Variants in PCDHA5 observed in about 807,000 individuals in gnomAD.
The protein encoded by PCDHA5 is protocadherin alpha-5.
In PCDHA5, 43 loss-of-function variants were observed where a neutral mutation model predicts 61.6. The observed-to-expected ratio is 0.70, with a 90% CI of 0.55 to 0.90. The LOEUF (loss-of-function observed/expected upper bound fraction) is 0.90, where lower values mean the gene tolerates loss of function less well. Ranked by LOEUF, PCDHA5 falls within the 40% of genes least tolerant of loss-of-function variation. The pLI is 0.00. For synonymous variants in PCDHA5, 627 were observed against 543.9 expected, an observed-to-expected ratio of 1.15 and a Z score of -2.13; for missense variants, 1,298 against 1,222.7, an observed-to-expected ratio of 1.06 and a Z score of -0.92.
chr5:141,000,173 C>T (rs2097895007), intron 3 of PCDHA5, among the ~76,000 whole-genome samples: 1 of 151,968 alleles, frequency 6.6e-6, no homozygotes, highest in Non-Finnish European at 1.5e-5. Flanking sequence ...ATTATTGAGC[C>T]AAGGAGTCAA....
chr5:140,889,086 A>G (rs1418981044), intron 1 of PCDHA5, among the ~76,000 whole-genome samples: 1 of 151,926 alleles, frequency 6.6e-6, no homozygotes, highest in Non-Finnish European at 1.5e-5. Flanking sequence ...TTAAATTTTC[A>G]AAACAATTTT....
chr5:140,891,921 C>G (rs1405172226), intron 1 of PCDHA5, among the ~76,000 whole-genome samples: 1 of 152,234 alleles, frequency 6.6e-6, no homozygotes, highest in African/African-American at 2.4e-5. Flanking sequence ...ATGCTGGTGC[C>G]TTGATCTTGG....
rs145265581 is a variant in PCDHA5, at chr5:140,822,948, C to G, written c.1173C>G (p.His391Gln). The G allele has an allele frequency of 1.9e-5, 31 of 1,614,076 alleles. No homozygotes were observed. In the African/African-American group the frequency reaches 2.4e-4, roughly 13 times the overall value. ...AGGTGACCTGCTCCCTAATGCCCCACGTTCCCTTCAAGCTGGTGTCCACCT... is the reference window on the plus strand; with the variant it reads ...AGGTGACCTGCTCCCTAATGCCCCAGGTTCCCTTCAAGCTGGTGTCCACCT... Reference protein sequence around the residue: ...NGQVTCSLMPHVPFKLVSTFK... With the variant: ...NGQVTCSLMPQVPFKLVSTFK... The change falls in exon 1 of 4, where the codon CAC becomes CAG. Residue 391 changes from histidine (H) to glutamine (Q), a missense_variant. His to Gln is a conservative substitution (Grantham distance 24, BLOSUM62 0). Coordinates refer to ENST00000529859, the MANE Select transcript of PCDHA5 (RefSeq NM_018908.3).
At chr5:140,840,995 T>C (rs1776967728) in intron 1 of PCDHA5, among the ~76,000 whole-genome samples, 1 of 152,016 alleles carries the variant, frequency 6.6e-6, no homozygotes. Context: ...CTGAAACTAA[T>C]GTAAGGAGCC....
At chr5:140,951,597 C>T (rs1445745403) in intron 1 of PCDHA5, among the ~76,000 whole-genome samples, 1 of 152,098 alleles carries the variant, frequency 6.6e-6, no homozygotes, top group East Asian at 1.9e-4. Flanking sequence ...ATCTCTCTCA[C>T]TGTTATGAGA....
chr5:140,929,613 C>A, intron 1 of PCDHA5: 6 of 406,162 alleles, frequency 1.5e-5, no homozygotes, highest in Non-Finnish European at 2.7e-5. Flanking sequence ...AATAAAATAC[C>A]AAAATATTTT....
intron 1 of PCDHA5, among the ~76,000 whole-genome samples, chr5:140,948,964 T>C (rs2094329348): frequency 6.6e-6 from 1 of 151,790 alleles, no homozygotes; most frequent in Non-Finnish European, 1.5e-5. Context: ...AGCCACGAAT[T>C]TATTAGTATG....
chr5:140,832,454 T>C lies in PCDHA5; in HGVS notation c.2352+8327T>C, dbSNP rs193078566. Among the ~76,000 whole-genome samples, 274 of 152,332 alleles carry C rather than the reference T, an allele frequency of 1.8e-3. 1 individual carries two copies. The highest frequency in any genetic ancestry group is 6.5e-3 in the African/African-American group (271 of 41,598). ...TAATTTTTAAGCGTGTAATTAATAT[T>C]GCACTAAAATTTAAAAAAACTAACT... On this transcript the variant is annotated intron_variant, in intron 1 of 3. Transcript: ENST00000529859.
rs551606343 is a variant in PCDHA5 at position 140,977,430 on chromosome 5, G to A, written c.2353-1519G>A. Among the ~76,000 whole-genome samples, 14 of 152,252 alleles carry A rather than the reference G, an allele frequency of 9.2e-5. No homozygotes were observed. The South Asian group carries it at 2.5e-3, about 27-fold the overall frequency. The stretch of plus-strand genomic sequence containing the variant: ...ATTTTCTTTTGTTCCCTCTAACACC[G>A]CTAGTAGATAATGGAAACTCCTTTG... On this transcript the variant is annotated intron_variant, in intron 1 of 3. Coordinates refer to ENST00000529859, the MANE Select transcript of PCDHA5 (RefSeq NM_018908.3).
chr5:140,964,918 G>A (rs563180752), intron 1 of PCDHA5, among the ~76,000 whole-genome samples: 59 of 152,308 alleles, frequency 3.9e-4, no homozygotes, highest in Admixed American at 3.4e-3. Context: ...GAATAACACT[G>A]GCTAGGTAGT....
At chr5:140,982,608 T>G (rs782789536) in intron 3 of PCDHA5, 45 bp downstream of exon 3, 2 of 1,601,306 alleles carry the variant, frequency 1.2e-6, no homozygotes, top group South Asian at 2.2e-5. Flanking sequence ...TTCTGGAAAG[T>G]GATCAGATGA....
intron 1 of PCDHA5, chr5:140,828,124 G>A (rs1769541261): frequency 1.9e-6 from 3 of 1,613,068 alleles, no homozygotes; most frequent in Non-Finnish European, 2.5e-6. Context: ...GATTGGGAAA[G>A]CAATGTCTGC....
chr5:140,830,753 T>G (rs1771228172), intron 1 of PCDHA5: 1 of 184,998 alleles, frequency 5.4e-6, no homozygotes, highest in Non-Finnish European at 1.1e-5. Context: ...TCTGTTGCAT[T>G]TTAATTCAGA....
At position 140,856,702 on chromosome 5, in the gene PCDHA5, A is replaced by G. The variant is rs782234318; in HGVS notation, c.2352+32575A>G. The stretch of plus-strand genomic sequence containing the variant: ...TGTTGACAGCAACTGATGGAGGCAA[A>G]CCTGAATTTACCGGATCTGTTTCTC... On this transcript the variant is annotated intron_variant, in intron 1 of 3. Transcript: ENST00000529859. The G allele has an allele frequency of 1.7e-5, 27 of 1,596,504 alleles. 5 individuals are homozygous for G. Among genetic ancestry groups the G allele is most frequent in the Middle Eastern group, 3.3e-4 (2 of 6,020 alleles).
intron 1 of PCDHA5, chr5:140,854,391 A>C (rs251359): frequency 0.5 from 77,721 of 154,576 alleles, 22,387 homozygotes; most frequent in South Asian, 0.62. Flanking sequence ...TTACATTTTA[A>C]TTCAGGGTTT....
intron 1 of PCDHA5, among the ~76,000 whole-genome samples, chr5:140,918,383 C>A (rs1227959801): frequency 4.6e-5 from 7 of 152,124 alleles, no homozygotes. Flanking sequence ...CCTTTTATTT[C>A]TTTCTCTTGC....
intron 1 of PCDHA5, chr5:140,927,458 AAG>A: frequency 6.2e-7 from 1 of 1,614,124 alleles, no homozygotes; most frequent in Non-Finnish European, 8.5e-7. Context: ...GTGTTGGAGA[AAG>A]CACTGGATCG....
intron 1 of PCDHA5, chr5:140,856,807 T>G: frequency 6.3e-7 from 1 of 1,594,936 alleles, no homozygotes; most frequent in African/African-American, 1.3e-5. Context: ...TGTATGAAAA[T>G]CAAGTGAACC....
chr5:140,848,206 A>G lies in PCDHA5; in HGVS notation c.2352+24079A>G, dbSNP rs1354979846. The G allele has an allele frequency of 2.7e-5, 9 of 338,544 alleles. No homozygotes were observed. In the East Asian group the frequency reaches 4.5e-4, roughly 17 times the overall value. 21.0% of individuals were successfully genotyped at this position (338,544 alleles called of 1,614,324 possible). A position where few individuals can be genotyped will look rare whatever the true frequency, so the allele number is the denominator to read the frequency against. On this transcript the variant is annotated intron_variant, in intron 1 of 3. Transcript: ENST00000529859. ...GGGATCTTCTGTTTCAACAATCATTACTTAAGAAAAAATTAAGAAAATGAA... is the reference window on the plus strand; with the variant it reads ...GGGATCTTCTGTTTCAACAATCATTGCTTAAGAAAAAATTAAGAAAATGAA...
Sources: allele counts gnomAD v4.1 joint callset (sites outside exome capture counted in the v4.1 genomes callset), GRCh38; gene constraint gnomAD v4.1.1; transcripts MANE v1.5; gene names NCBI Gene and HGNC (gene_info 2026-07-23, HGNC 2026-07-21).